Variants in FLNA observed in about 807,000 individuals in gnomAD.
FLNA encodes filamin A, also known as filamin-A.
FLNA carries 7 observed loss-of-function variants against 157.6 expected under a neutral mutation model. The observed-to-expected ratio is 0.04, with a 90% CI of 0.03 to 0.08. The LOEUF (loss-of-function observed/expected upper bound fraction) is 0.08, where lower values mean the gene tolerates loss of function less well. Among genes scored for constraint, FLNA ranks in the 10% least tolerant of loss-of-function variants. The pLI, the probability that FLNA is intolerant of heterozygous loss-of-function variation, is 1.00. For missense variants in FLNA, 1,750 were observed against 2,398.4 expected, an observed-to-expected ratio of 0.73 and a Z score of 5.65; for synonymous variants, 1,103 against 1,060.8, an observed-to-expected ratio of 1.04 and a Z score of -0.77.
intron 1 of FLNA, among the ~76,000 whole-genome samples, chrX:154,372,235 C>G (rs1426212473): frequency 8.8e-6 from 1 of 113,304 alleles, no homozygotes; most frequent in East Asian, 2.8e-4. Context: ...GACGTGTGCC[C>G]GCCTAACCCT....
At chrX:154,351,732 C>A in intron 42 of FLNA, 36 bp from the exon 43 acceptor site, 1 of 1,118,379 alleles carries the variant, frequency 8.9e-7, no homozygotes, top group Non-Finnish European at 1.2e-6. Context: ...GGCTCATCAG[C>A]CTTTGGGCCT....
At chrX:154,363,975 CG>C in intron 15 of FLNA, 46 bp downstream of exon 15, 1 of 1,190,896 alleles carries the variant, frequency 8.4e-7, no homozygotes. Context: ...TCGTGTGCTA[CG>C]TGAATGCTAT....
At position 154,350,170 on chromosome X, in the gene FLNA, G is replaced by A. The variant is rs1557175459; in HGVS notation, c.7194C>T (p.Gly2398=). 1.7e-5 allele frequency: 20 copies of A among 1,210,391 alleles called. No individual in the cohort carries two copies. The highest frequency in any genetic ancestry group is 2.2e-5 in the Admixed American group (1 of 45,936). ...TGAACTTGACGTCAATCAGGTAAAC[G>A]CCATTCTCCCGAGGGATGAAGCGCA... is the stretch of plus-strand genomic sequence containing the variant. ...YAVRFIPREN[G]VYLIDVKFNG... Residue 2398 remains glycine, a synonymous_variant, in exon 45 of 48, where the codon GGC becomes GGT. Transcript: ENST00000369850.
Position 154,349,446 on chromosome X carries a change from T to G in FLNA, c.7672A>C (p.Ser2558Arg). ...GAPGPGPADA[S>R]KVVAKGLGLS... ...CCCAGGCCCTTGGCCACCACCTTGC[T>G]GGCGTCAGCAGGCCCAGGACCCGGG... The change falls in exon 47 of 48, where the codon AGC becomes CGC. Residue 2558 changes from serine (S) to arginine (R), a missense_variant. Around this residue, in one of 5 missense-constraint regions of FLNA, gnomAD observed 970 missense variants for 1,302.6 expected, o/e 0.74. Transcript: ENST00000369850. 1.6e-6 allele frequency: 2 copies of G among 1,212,150 alleles called. No individual in the cohort carries two copies. The highest frequency in any genetic ancestry group is 3.5e-5 in the South Asian group (2 of 57,074).
chrX:154,369,475 G>C (rs1383504229), intron 2 of FLNA, among the ~76,000 whole-genome samples: 3 of 112,354 alleles, frequency 2.7e-5, no homozygotes, highest in Non-Finnish European at 5.7e-5. Context: ...CCAGGGCTGG[G>C]AGACTGTCTG....
Position 154,349,365 on chromosome X carries a change from C to T in FLNA, c.7753G>A (p.Ala2585Thr), listed in dbSNP as rs1557175261. ...GCCGGGGGCCCAGGTTGCCCACCTG[C>T]TTTGCTGCAGTCTACTGTGAAGCTG... ...KSSFTVDCSK[A>T]GNNMLLVGVH... The change falls in exon 47 of 48, where the codon GCA (alanine) becomes ACA (threonine). Residue 2585 changes from alanine to threonine, a missense_variant. By Grantham distance (58) the Ala-to-Thr change is moderately conservative. Transcript: ENST00000369850. 1 of 1,211,298 alleles carries T rather than the reference C, an allele frequency of 8.3e-7. No individual in the cohort carries two copies. Among genetic ancestry groups the T allele is most frequent in the Non-Finnish European group, 1.1e-6 (1 of 895,014 alleles).
chrX:154,365,876 G>A (rs973546014), intron 9 of FLNA, 148 bp downstream of exon 9: 6 of 489,411 alleles, frequency 1.2e-5, no homozygotes, highest in East Asian at 3.7e-5. Flanking sequence ...CCCAGCAGGG[G>A]AGGAAAAACA....
At position 154,366,443 on chromosome X, in the gene FLNA, T is replaced by C. The variant is rs376891541; in HGVS notation, c.1093A>G (p.Ile365Val). The change falls in exon 8 of 48, where the codon ATC (isoleucine) becomes GTC (valine). Residue 365 changes from isoleucine to valine, a missense_variant. Around this residue, in one of 5 missense-constraint regions of FLNA, gnomAD observed 648 missense variants for 805.8 expected, o/e 0.80. Coordinates refer to ENST00000369850, the MANE Select transcript of FLNA (RefSeq NM_001110556.2). Reference protein sequence around the residue: ...KVTVLFAGQHIAKSPFEVYVD... With the variant: ...KVTVLFAGQHVAKSPFEVYVD... The stretch of plus-strand genomic sequence containing the variant: ...TACACCTCGAAGGGGCTCTTGGCGA[T>C]GTGCTGGCCAGCAAAGAGCACAGTA... 14 of 1,210,083 alleles carry C rather than the reference T, an allele frequency of 1.2e-5. No homozygotes were observed. In the African/African-American group the frequency reaches 2.4e-4, roughly 21 times the overall value.
At chrX:154,365,819 G>A (rs1266084794) in intron 9 of FLNA, among the ~76,000 whole-genome samples, 5 of 112,118 alleles carry the variant, frequency 4.5e-5, no homozygotes, top group Admixed American at 3.7e-4. Context: ...AGGTGAAAGC[G>A]TGAGGAGAGA....
At position 154,360,231 on chromosome X, in the gene FLNA, C is replaced by T. The variant is rs1434923366; in HGVS notation, c.3564G>A (p.Ala1188=). Residue 1188 remains alanine, a synonymous_variant, in exon 22 of 48, where the codon GCG becomes GCA. Transcript: ENST00000369850. ...VGQFQVDCSS[A]GSAELTIEIC... ...TCTCAATGGTCAGCTCCGCGCTGCC[C>T]GCGCTCGAGCAGTCCACTTGGAATT... is the stretch of plus-strand genomic sequence containing the variant. 13 of 1,210,948 alleles carry T rather than the reference C, an allele frequency of 1.1e-5. No individual in the cohort carries two copies. Among genetic ancestry groups the T allele is most frequent in the African/African-American group, 6.9e-5 (4 of 57,845 alleles).
intron 30 of FLNA, among the ~76,000 whole-genome samples, chrX:154,356,731 C>T (rs782299255): frequency 2.7e-5 from 3 of 112,692 alleles, no homozygotes; most frequent in Middle Eastern, 4.6e-3. Flanking sequence ...CCATGCTGGC[C>T]GCCCAAGCAG....
At position 154,362,854 on chromosome X, in the gene FLNA, A is replaced by G. The variant is rs1322651987; in HGVS notation, c.2281-70T>C. The G allele has an allele frequency of 3.7e-6, 4 of 1,090,147 alleles. No homozygotes were observed. In the South Asian group the frequency reaches 6.1e-5, roughly 17 times the overall value. 89.8% of individuals were successfully genotyped at this position (1,090,147 alleles called of 1,213,427 possible). A position where few individuals can be genotyped will look rare whatever the true frequency, so the allele number is the denominator to read the frequency against. ...GAGACTCAGAAGCTCCCTCAGCTAC[A>G]CTGGCAGGCACACAAAATGGTCCAG... is the stretch of plus-strand genomic sequence containing the variant. On this transcript the variant is annotated intron_variant, in intron 15 of 47. Transcript: ENST00000369850.
intron 35 of FLNA, 31 bp from the exon 36 acceptor site, chrX:154,353,758 T>C: frequency 1.7e-6 from 2 of 1,198,868 alleles, no homozygotes. Flanking sequence ...GCATGGGAAC[T>C]ATGCTGGGGA....
Position 154,365,941 on chromosome X carries a change from G to A in FLNA, c.1429+83C>T, listed in dbSNP as rs12013188. 19,457 of 965,674 alleles carry A rather than the reference G, an allele frequency of 0.02. 2,246 individuals are homozygous for A. The African/African-American group carries it at 0.33, about 16-fold the overall frequency. The allele number at this position is 965,674 out of a possible 1,213,427, so 79.6% of individuals were successfully genotyped here. ...AGTAGGGGCCCCGGGGCGGGCTGCAGCGGGACTGGCCCAGGGGGTCCCCCT... is the reference window on the plus strand; with the variant it reads ...AGTAGGGGCCCCGGGGCGGGCTGCAACGGGACTGGCCCAGGGGGTCCCCCT... On this transcript the variant is annotated intron_variant, in intron 9 of 47. Coordinates refer to ENST00000369850, the MANE Select transcript of FLNA (RefSeq NM_001110556.2).
Position 154,353,081 on chromosome X carries a change from C to T in FLNA, c.6146G>A (p.Arg2049His), listed in dbSNP as rs1557176118. 6 of 1,211,694 alleles carry T rather than the reference C, an allele frequency of 5.0e-6. No individual in the cohort carries two copies. Among genetic ancestry groups the T allele is most frequent in the Non-Finnish European group, 5.6e-6 (5 of 895,461 alleles). The stretch of plus-strand genomic sequence containing the variant: ...AAGGCCCTGACCAGAGACCCGAACA[C>T]GACTGGCATCCCCAATTTCCGACTG... The part of the protein sequence containing the change: ...ISQSEIGDAS[R>H]VRVSGQGLHE... Residue 2049 changes from arginine to histidine, a missense_variant, in exon 38 of 48, where the codon CGT becomes CAT. Transcript: ENST00000369850.
rs371092631 is a variant in FLNA, at chrX:154,367,533, G to C, written c.732C>G (p.Pro244=). The part of the protein sequence containing the change: ...DWLGIPQVIT[P]EEIVDPNVDE... ...CCACGTTGGGGTCCACAATCTCCTC[G>C]GGGGTGATCACCTGTCACAGGCAGA... The change falls in exon 5 of 48, where the codon CCC becomes CCG. Residue 244 remains proline (P), a synonymous_variant. Coordinates refer to ENST00000369850, the MANE Select transcript of FLNA (RefSeq NM_001110556.2). The C allele has an allele frequency of 1.7e-6, 2 of 1,211,446 alleles. No homozygotes were observed. Among genetic ancestry groups the C allele is most frequent in the Non-Finnish European group, 2.2e-6 (2 of 895,390 alleles).
chrX:154,369,365 C>T (rs2067786781), intron 2 of FLNA, among the ~76,000 whole-genome samples: 2 of 112,370 alleles, frequency 1.8e-5, no homozygotes, highest in Admixed American at 9.3e-5. Context: ...GACCCCTCAA[C>T]GACCCCCACA....
chrX:154,351,468 C>G, intron 43 of FLNA, 113 bp downstream of exon 43: 2 of 537,820 alleles, frequency 3.7e-6, no homozygotes, highest in Non-Finnish European at 6.5e-6. Context: ...GCCTGGAACC[C>G]AGAGCTGGGC....
chrX:154,363,620 A>G (rs782433416), intron 15 of FLNA, among the ~76,000 whole-genome samples: 13 of 110,672 alleles, frequency 1.2e-4, no homozygotes, highest in South Asian at 3.8e-4. Context: ...GGCTGAGGCA[A>G]GACAATGGTG....
Sources: allele counts gnomAD v4.1 joint callset (sites outside exome capture counted in the v4.1 genomes callset), GRCh38; gene constraint gnomAD v4.1.1; regional missense constraint gnomAD v4.1.1; transcripts MANE v1.5; gene names NCBI Gene and HGNC (gene_info 2026-07-23, HGNC 2026-07-21).